Variants in BLACAT1 observed in about 807,000 individuals in gnomAD.
BLACAT1 encodes the protein BLACAT1 overlapping LEMD1 locus.
chr1:205,446,718 G>T (rs1666395291), intron 1 of BLACAT1, among the ~76,000 whole-genome samples: 1 of 152,212 alleles, frequency 6.6e-6, no homozygotes, highest in Non-Finnish European at 1.5e-5. Flanking sequence ...GCCCAGGGCA[G>T]CTGGACAATG....
chr1:205,454,154 G>A (rs1055811308), intron 1 of BLACAT1, among the ~76,000 whole-genome samples: 2 of 152,210 alleles, frequency 1.3e-5, no homozygotes, highest in Admixed American at 6.5e-5. Context: ...ACAGTGGGAT[G>A]GGCACCGTGC....
At chr1:205,435,734 C>T (rs1215495404), downstream of BLACAT1, 1 of 152,202 alleles carries the variant, frequency 6.6e-6, no homozygotes, top group African/African-American at 2.4e-5. Flanking sequence ...AAAATCCATC[C>T]TGATTGGCAG....
intron 1 of BLACAT1, among the ~76,000 whole-genome samples, chr1:205,443,071 G>A (rs142915581): frequency 2.6e-4 from 40 of 152,282 alleles, no homozygotes; most frequent in Admixed American, 3.9e-4. Flanking sequence ...GTGGATTCCC[G>A]TGTAATCAGT....
downstream of BLACAT1, chr1:205,436,233 G>C (rs947823571): frequency 6.6e-6 from 1 of 152,134 alleles, no homozygotes; most frequent in Non-Finnish European, 1.5e-5. Flanking sequence ...TCCAGACCTG[G>C]GGGGTGGTTT....
At position 205,445,061 on chromosome 1, in the gene BLACAT1, T is replaced by C. The variant is rs527262193; in HGVS notation, c.-36-3999A>G. On this transcript the variant is annotated intron_variant, in intron 1 of 1. Transcript: ENST00000629624. ...CTTCCCTCCCTGAGCCATTCATCAC[T>C]GCGAAGGGAAGCAGCTGCGGCTTAG... Among the ~76,000 whole-genome samples the C allele has an allele frequency of 1.0e-3, 152 of 152,246 alleles. 1 individual carries two copies. Among genetic ancestry groups the C allele is most frequent in the African/African-American group, 3.6e-3 (148 of 41,544 alleles).
At chr1:205,440,886 G>A (rs6661017) in exon 2 of BLACAT1, 38,850 of 152,336 alleles carry the variant, frequency 0.26, 5,611 homozygotes, top group African/African-American at 0.39. Context: ...ATCAGGCCTG[G>A]GACCTGCTGG....
chr1:205,444,220 G>A (rs2102469736), intron 1 of BLACAT1, among the ~76,000 whole-genome samples: 1 of 152,192 alleles, frequency 6.6e-6, no homozygotes, highest in African/African-American at 2.4e-5. Flanking sequence ...ATAGGATGGA[G>A]AGGCAGGGTG....
At chr1:205,455,925 T>G (rs1001880067) in exon 1 of BLACAT1, 7 of 152,400 alleles carry the variant, frequency 4.6e-5, no homozygotes, top group Admixed American at 4.6e-4. Context: ...ACAGTTTAGA[T>G]GCTAAGCCGG....
intron 1 of BLACAT1, among the ~76,000 whole-genome samples, chr1:205,445,082 C>T (rs751236013): frequency 1.3e-4 from 20 of 152,176 alleles, no homozygotes; most frequent in Non-Finnish European, 2.6e-4. Flanking sequence ...GCAGCTGCGG[C>T]TTAGGAGACC....
rs114428732 is a variant in BLACAT1, at chr1:205,445,724, G to A, written c.-36-4662C>T. ...CACTCAGTGTTTTCCAGCCTGGCTC[G>A]GCAGAGGCTGGCCCACCGTAAGAGT... On this transcript the variant is annotated intron_variant, in intron 1 of 1. Transcript: ENST00000629624. 4.3e-3 allele frequency among the ~76,000 whole-genome samples: 659 copies of A among 152,300 alleles called. 4 individuals carry two copies. The highest frequency in any genetic ancestry group is 0.017 in the Middle Eastern group (5 of 294).
rs950110233 is a variant in BLACAT1, at chr1:205,448,776, C to G, written c.-37+7141G>C. Reference sequence around the variant, plus strand: ...TTTTCAAGGCTGCTGCTGCCAGTACCCAGGATGGGGGGCCCCAGGTTAGGC... The same window carrying G: ...TTTTCAAGGCTGCTGCTGCCAGTACGCAGGATGGGGGGCCCCAGGTTAGGC... On this transcript the variant is annotated intron_variant, in intron 1 of 1. Transcript: ENST00000629624. The surrounding 1 kb of genome is among the most constrained non-coding windows in gnomAD (Gnocchi z 4.7). Among the ~76,000 whole-genome samples the G allele has an allele frequency of 5.3e-5, 8 of 152,160 alleles. No individual in the cohort carries two copies. The highest frequency in any genetic ancestry group is 1.9e-4 in the African/African-American group (8 of 41,430).
chr1:205,450,930 GAAAGGCCACTGC>G lies in BLACAT1; in HGVS notation c.-37+4975_-37+4986del, dbSNP rs1666488509. ...CTCCAATCCCGAGAACCTGGGCAGTGAAAGGCCACTGCTGGGCGAGAACCTCGAGGACTCCCT... is the reference window on the plus strand; with the variant it reads ...CTCCAATCCCGAGAACCTGGGCAGTGTGGGCGAGAACCTCGAGGACTCCCT... On this transcript the variant is annotated intron_variant, in intron 1 of 1. Coordinates refer to ENST00000629624, the Ensembl canonical transcript of BLACAT1. This position sits in a 1 kb window ranked among gnomAD's most constrained non-coding sequence, Gnocchi z 4.4. Among the ~76,000 whole-genome samples, 1 of 152,180 alleles carries G rather than the reference GAAAGGCCACTGC, an allele frequency of 6.6e-6. No individual in the cohort carries two copies. The highest frequency in any genetic ancestry group is 1.5e-5 in the Non-Finnish European group (1 of 68,032).
At chr1:205,449,933 C>T (rs1051469333) in intron 1 of BLACAT1, 2 of 152,632 alleles carry the variant, frequency 1.3e-5, no homozygotes, top group Non-Finnish European at 2.9e-5. Flanking sequence ...AGAGCCACTT[C>T]CTGCCTTCCA....
chr1:205,438,613 G>C (rs1336768064), downstream of BLACAT1, among the ~76,000 whole-genome samples: 1 of 152,188 alleles, frequency 6.6e-6, no homozygotes, highest in Non-Finnish European at 1.5e-5. Context: ...GTTGGGGTGT[G>C]CCTGGCTAGA....
chr1:205,449,201 T>C (rs1008771405), intron 1 of BLACAT1, among the ~76,000 whole-genome samples: 1 of 152,124 alleles, frequency 6.6e-6, no homozygotes, highest in South Asian at 2.1e-4. Flanking sequence ...TAGGACTGGA[T>C]TGAAGAGCTG....
intron 1 of BLACAT1, among the ~76,000 whole-genome samples, chr1:205,444,847 A>G (rs1484033726): frequency 6.6e-6 from 1 of 151,718 alleles, no homozygotes; most frequent in East Asian, 1.9e-4. Context: ...CAAGGCAGAG[A>G]GCAGAGGCAC....
At chr1:205,437,176 G>C (rs186072675), downstream of BLACAT1, 19 of 152,538 alleles carry the variant, frequency 1.2e-4, no homozygotes, top group East Asian at 3.5e-3. Context: ...GAATGAGGTG[G>C]GGTGGTTTGA....
At chr1:205,437,869 C>T (rs948605363), downstream of BLACAT1, 2 of 152,150 alleles carry the variant, frequency 1.3e-5, no homozygotes, top group African/African-American at 4.8e-5. Flanking sequence ...GCTCAGTGCT[C>T]CTTGCATCCC....
At chr1:205,454,161 G>A (rs769729594) in intron 1 of BLACAT1, among the ~76,000 whole-genome samples, 31 of 152,318 alleles carry the variant, frequency 2.0e-4, no homozygotes, top group African/African-American at 6.0e-4. Flanking sequence ...GATGGGCACC[G>A]TGCTAGGCAC....
Sources: allele counts gnomAD v4.1 joint callset (sites outside exome capture counted in the v4.1 genomes callset), GRCh38; gene constraint gnomAD v4.1.1; non-coding constraint Gnocchi (gnomAD v3.1); transcripts MANE v1.5; gene names NCBI Gene and HGNC (gene_info 2026-07-23, HGNC 2026-07-21).